Variants in LGALS8 observed in about 807,000 individuals in gnomAD.
LGALS8 encodes galectin 8.
In LGALS8, 30 loss-of-function variants were observed where a neutral mutation model predicts 35.9. That is an observed-to-expected ratio of 0.83 (90% CI 0.62 to 1.13). LGALS8 has a LOEUF of 1.13. Among genes scored for constraint, LGALS8 ranks in the 50% most tolerant of loss-of-function variants. The pLI is 0.00. For synonymous variants in LGALS8, 138 were observed against 136.1 expected, an observed-to-expected ratio of 1.01 and a Z score of -0.10; for missense variants, 366 against 388.7, an observed-to-expected ratio of 0.94 and a Z score of 0.49.
In LGALS8 at chr1:236,544,729, T is replaced by C. The variant is rs767636425; in HGVS notation, c.639-21T>C. 3 of 1,571,442 alleles carry C rather than the reference T, an allele frequency of 1.9e-6. No homozygotes were observed. In the Admixed American group the frequency reaches 6.0e-5, roughly 32 times the overall value. ...CCTACTTGGTTAATTAAGGTTTTTT[T>C]TTTTCTTTCTTTCTCAAAAGCTTTA... On this transcript the variant is annotated intron_variant, in intron 8 of 9. Transcript: ENST00000366584.
At chr1:236,537,675 T>C in intron 3 of LGALS8, 90 bp downstream of exon 3, 1 of 958,218 alleles carries the variant, frequency 1.0e-6, no homozygotes. Context: ...AGAGACCATT[T>C]GATACTTTGA....
rs1662568996 is a variant in LGALS8 at position 236,548,753 on chromosome 1, G to A, written c.*592G>A. 4 of 367,060 alleles carry A rather than the reference G, an allele frequency of 1.1e-5. No individual in the cohort carries two copies. The highest frequency in any genetic ancestry group is 5.1e-5 in the Admixed American group (1 of 19,576). 22.7% of individuals were successfully genotyped at this position (367,060 alleles called of 1,614,324 possible). A position where few individuals can be genotyped will look rare whatever the true frequency, so the allele number is the denominator to read the frequency against. ...TGCTCTACCGTATCCCATCACTGAG[G>A]ACTGATGTTGACTGACATCATTTTC... On this transcript the variant is annotated 3_prime_UTR_variant, in exon 10 of 10. Coordinates refer to ENST00000366584, the MANE Select transcript of LGALS8 (RefSeq NM_201544.4).
intron 2 of LGALS8, among the ~76,000 whole-genome samples, chr1:236,531,115 A>T (rs187679019): frequency 6.6e-6 from 1 of 152,264 alleles, no homozygotes; most frequent in East Asian, 1.9e-4. Flanking sequence ...CATTTATTTT[A>T]ACAGCTGCAT....
rs1200005618 is a variant in LGALS8, at chr1:236,526,170, A to G, written c.45+55A>G. ...CCTATGCCAGGACAGATCCAATAGA[A>G]TATTAATTATCCATTGGGAGACAGG... is the stretch of plus-strand genomic sequence containing the variant. On this transcript the variant is annotated intron_variant, in intron 2 of 9. Coordinates refer to ENST00000366584, the MANE Select transcript of LGALS8 (RefSeq NM_201544.4). The surrounding 1 kb of genome is among the most constrained non-coding windows in gnomAD (Gnocchi z 4.6). 11 of 1,243,950 alleles carry G rather than the reference A, an allele frequency of 8.8e-6. No homozygotes were observed. Among genetic ancestry groups the G allele is most frequent in the Non-Finnish European group, 1.3e-5 (11 of 850,272 alleles). 77.1% of individuals were successfully genotyped at this position (1,243,950 alleles called of 1,614,324 possible).
chr1:236,531,561 G>A (rs935414460), intron 2 of LGALS8, among the ~76,000 whole-genome samples: 9 of 152,164 alleles, frequency 5.9e-5, no homozygotes, highest in South Asian at 2.1e-4. Flanking sequence ...TCCTGACCTT[G>A]TGATCCACCC....
intron 3 of LGALS8, among the ~76,000 whole-genome samples, 193 bp from the exon 4 acceptor site, chr1:236,538,686 C>T (rs923785914): frequency 1.3e-5 from 2 of 152,192 alleles, no homozygotes; most frequent in Non-Finnish European, 2.9e-5. Context: ...AGACCCAGTT[C>T]AAACTCAGGG....
rs1427228165 is a variant in LGALS8, at chr1:236,552,531, T to A, written c.*4370T>A. On this transcript the variant is annotated 3_prime_UTR_variant, in exon 10 of 10. Transcript: ENST00000366584. ...CTCCTCACCCACAGCCCCTGACTGG[T>A]CACCACTATAATTGTATGAGGGGCC... 6.3e-6 allele frequency: 1 copy of A among 157,770 alleles called. No individual in the cohort carries two copies. The highest frequency in any genetic ancestry group is 1.4e-5 in the Non-Finnish European group (1 of 72,104). 9.8% of individuals were successfully genotyped at this position (157,770 alleles called of 1,614,324 possible). A position where few individuals can be genotyped will look rare whatever the true frequency, so the allele number is the denominator to read the frequency against.
At chr1:236,527,268 C>A (rs1233876210) in intron 2 of LGALS8, among the ~76,000 whole-genome samples, 1 of 152,150 alleles carries the variant, frequency 6.6e-6, no homozygotes, top group Admixed American at 6.6e-5. Context: ...AAAATTCGTG[C>A]ATATCTTGAT....
intron 1 of LGALS8, among the ~76,000 whole-genome samples, chr1:236,525,247 C>T (rs1176798515): frequency 1.3e-5 from 2 of 152,144 alleles, no homozygotes; most frequent in African/African-American, 4.8e-5. Context: ...TAATAGCTAA[C>T]ATAGCGCTTA....
intron 2 of LGALS8, among the ~76,000 whole-genome samples, chr1:236,528,632 A>C (rs1383830995): frequency 7.1e-6 from 1 of 140,340 alleles, no homozygotes; most frequent in Non-Finnish European, 1.5e-5. Flanking sequence ...CCCCACTGCA[A>C]CCTCCACCTC....
intron 3 of LGALS8, among the ~76,000 whole-genome samples, chr1:236,537,928 C>CCCG (rs1483035349): frequency 1.1e-5 from 1 of 89,620 alleles, no homozygotes; most frequent in Admixed American, 1.1e-4. Context: ...TGAGACCCCC[C>CCCG]ATCTGTAAAA....
intron 6 of LGALS8, chr1:236,542,471 C>A (rs1558165920): frequency 6.4e-6 from 3 of 467,036 alleles, no homozygotes; most frequent in East Asian, 7.9e-5. Context: ...CAGAGTAAGA[C>A]CCTGTCTCTT....
At chr1:236,547,334 G>A (rs867032654) in intron 9 of LGALS8, among the ~76,000 whole-genome samples, 2 of 119,454 alleles carry the variant, frequency 1.7e-5, no homozygotes, top group Non-Finnish European at 3.8e-5. Context: ...TGTGAAGGGC[G>A]AACACTGCCG....
chr1:236,538,303 A>T (rs541309972), intron 3 of LGALS8, among the ~76,000 whole-genome samples: 2 of 152,082 alleles, frequency 1.3e-5, no homozygotes. Context: ...CAGTGGTTTA[A>T]GATGTGAAAA....
chr1:236,518,395 G>A (rs1280699357), intron 1 of LGALS8: 1 of 152,116 alleles, frequency 6.6e-6, no homozygotes, highest in East Asian at 1.9e-4. Context: ...CAAAGCAAGA[G>A]GATTCAAAGG....
At position 236,526,733 on chromosome 1, in the gene LGALS8, A is replaced by G. The variant is rs1040427664; in HGVS notation, c.45+618A>G. Among the ~76,000 whole-genome samples, 3 of 152,182 alleles carry G rather than the reference A, an allele frequency of 2.0e-5. No homozygotes were observed. Among genetic ancestry groups the G allele is most frequent in the African/African-American group, 7.2e-5 (3 of 41,454 alleles). ...CTTTAGGAATGTCTAGTTTCCACGTATCTGAAGCTGAATCCTGAATCGAGG... is the reference window on the plus strand; with the variant it reads ...CTTTAGGAATGTCTAGTTTCCACGTGTCTGAAGCTGAATCCTGAATCGAGG... On this transcript the variant is annotated intron_variant, in intron 2 of 9. Transcript: ENST00000366584. This position sits in a 1 kb window ranked among gnomAD's most constrained non-coding sequence, Gnocchi z 4.6.
At chr1:236,520,495 T>C (rs115158444), upstream of LGALS8, among the ~76,000 whole-genome samples, 443 of 152,220 alleles carry the variant, frequency 2.9e-3, 2 homozygotes, top group African/African-American at 0.01. Flanking sequence ...GAAATCTTTA[T>C]AGTCATGGTT....
rs1572015303 is a variant in LGALS8, at chr1:236,542,795, T to G, written c.549+8T>G. The G allele has an allele frequency of 6.2e-7, 1 of 1,614,204 alleles. No individual in the cohort carries two copies. Among genetic ancestry groups the G allele is most frequent in the Non-Finnish European group, 8.5e-7 (1 of 1,180,024 alleles). On this transcript the variant is annotated splice_region_variant and intron_variant, in intron 7 of 9. Coordinates refer to ENST00000366584, the MANE Select transcript of LGALS8 (RefSeq NM_201544.4). ...TCTGGCACGCCCCAGCTTGTGAGTA[T>G]TTTTGCCTGGGTTATTTCATGTGGA...
intron 2 of LGALS8, among the ~76,000 whole-genome samples, chr1:236,531,363 G>A (rs552819160): frequency 9.2e-5 from 14 of 151,826 alleles, no homozygotes; most frequent in Non-Finnish European, 1.3e-4. Context: ...TTGCTCTGTC[G>A]CCCAGGCTGG....
Sources: allele counts gnomAD v4.1 joint callset (sites outside exome capture counted in the v4.1 genomes callset), GRCh38; gene constraint gnomAD v4.1.1; non-coding constraint Gnocchi (gnomAD v3.1); transcripts MANE v1.5; gene names NCBI Gene and HGNC (gene_info 2026-07-23, HGNC 2026-07-21).